The following MERTK variants were observed in gnomAD, a reference collection of about 807,000 sequenced individuals.
MERTK encodes tyrosine-protein kinase Mer.
Under a neutral mutation model 99.3 loss-of-function variants are expected in MERTK, and 69 were observed. That is an observed-to-expected ratio of 0.70 (90% CI 0.57 to 0.85). MERTK has a LOEUF of 0.85. Among genes scored for constraint, MERTK ranks in the 40% least tolerant of loss-of-function variants. MERTK has a pLI of 0.00. For synonymous variants in MERTK, 426 were observed against 467.6 expected (o/e 0.91, Z 1.15); for missense variants, 1,125 against 1,249.4 (o/e 0.90, Z 1.50).
At chr2:111,978,847 A>G (rs1676310215) in intron 7 of MERTK, among the ~76,000 whole-genome samples, 1 of 152,328 alleles carries the variant, frequency 6.6e-6, no homozygotes, top group African/African-American at 2.4e-5. Flanking sequence ...CAGTTAAGCT[A>G]GTGGGAAACC....
chr2:111,967,530 C>G (rs1175274590), intron 5 of MERTK, among the ~76,000 whole-genome samples: 1 of 152,102 alleles, frequency 6.6e-6, no homozygotes, highest in Admixed American at 6.5e-5. Context: ...CCCACCCATT[C>G]GAGGACACAC....
intron 6 of MERTK, 109 bp downstream of exon 6, chr2:111,968,361 C>A: frequency 1.2e-6 from 1 of 853,446 alleles, no homozygotes; most frequent in Non-Finnish European, 2.0e-6. Flanking sequence ...CATCTCTGTA[C>A]AGAGTCCCCT....
chr2:111,957,335 AAAGG>A lies in MERTK; in HGVS notation c.758-7855_758-7852del, dbSNP rs529074770. ...TGGGTTTTCTACCCAACTCAGAGAA[AAAGG>A]CAAAAGGCCTCTCCCACATGTTGCC... On this transcript the variant is annotated intron_variant, in intron 4 of 18. Transcript: ENST00000295408. 7.5e-3 allele frequency among the ~76,000 whole-genome samples: 1,139 copies of A among 152,184 alleles called. 19 individuals are homozygous for A. The highest frequency in any genetic ancestry group is 0.027 in the Middle Eastern group (8 of 294).
chr2:111,982,881 A>G lies in MERTK; in HGVS notation c.1184A>G (p.Asn395Ser), dbSNP rs757978161. 1.9e-6 allele frequency: 3 copies of G among 1,614,116 alleles called. No individual in the cohort carries two copies. Among genetic ancestry groups the G allele is most frequent in the Non-Finnish European group, 2.5e-6 (3 of 1,180,012 alleles). Residue 395 changes from asparagine (N) to serine (S), a missense_variant, in exon 8 of 19, where the codon AAT becomes AGT. By Grantham distance (46) the Asn-to-Ser change is conservative (BLOSUM62 1). Coordinates refer to ENST00000295408, the MANE Select transcript of MERTK (RefSeq NM_006343.3). ...VAPLNVTVFL[N>S]ESSDNVDIRW... ...CCTTTAAATGTCACTGTGTTTCTGA[A>G]TGAATCTAGTGATAATGTGGACATC...
At chr2:112,007,723 G>A (rs1224762813) in intron 13 of MERTK, among the ~76,000 whole-genome samples, 2 of 152,148 alleles carry the variant, frequency 1.3e-5, no homozygotes, top group East Asian at 1.9e-4. Flanking sequence ...CTCACAAGGC[G>A]TGGTTGAGCA....
chr2:111,946,250 A>G (rs1684959718), intron 3 of MERTK, among the ~76,000 whole-genome samples: 1 of 152,198 alleles, frequency 6.6e-6, no homozygotes, highest in Admixed American at 6.5e-5. Context: ...TAATTTGGGA[A>G]AAAAATATTT....
intron 9 of MERTK, chr2:111,994,676 G>A (rs1410648435): frequency 6.7e-6 from 3 of 445,746 alleles, no homozygotes; most frequent in Non-Finnish European, 1.3e-5. Context: ...CTACTTGGGA[G>A]GCTGAGGTGG....
rs571787765 is a variant in MERTK, at chr2:111,935,183, A to G, written c.482+5643A>G. Among the ~76,000 whole-genome samples the G allele has an allele frequency of 3.9e-5, 6 of 152,350 alleles. No individual in the cohort carries two copies. The South Asian group carries it at 1.0e-3, about 26-fold the overall frequency. On this transcript the variant is annotated intron_variant, in intron 2 of 18. Transcript: ENST00000295408. ...GTACACACTAGTTATCAAAATGGCC[A>G]TCCTTGCACATGAAGGTGTTTTCCG...
intron 14 of MERTK, among the ~76,000 whole-genome samples, chr2:112,009,391 T>C (rs1331663588): frequency 6.6e-6 from 1 of 152,234 alleles, no homozygotes; most frequent in Non-Finnish European, 1.5e-5. Context: ...AATGATATTA[T>C]AGCTTCTCTT....
At chr2:111,986,892 C>A (rs983132544) in intron 8 of MERTK, among the ~76,000 whole-genome samples, 2 of 152,170 alleles carry the variant, frequency 1.3e-5, no homozygotes, top group Non-Finnish European at 2.9e-5. Flanking sequence ...AAGTTTCAAG[C>A]TTATGATCCA....
At chr2:111,968,398 G>A in intron 6 of MERTK, 146 bp downstream of exon 6, 1 of 711,490 alleles carries the variant, frequency 1.4e-6, no homozygotes, top group East Asian at 2.7e-5. Flanking sequence ...TGTCCAGCAT[G>A]CATGCACTAT....
At chr2:111,987,548 T>C (rs1676508137) in intron 8 of MERTK, among the ~76,000 whole-genome samples, 1 of 152,172 alleles carries the variant, frequency 6.6e-6, no homozygotes, top group Non-Finnish European at 1.5e-5. Flanking sequence ...GGATTTGATG[T>C]GTGGGCCCAG....
intron 7 of MERTK, among the ~76,000 whole-genome samples, chr2:111,980,349 T>C (rs1397578861): frequency 2.0e-5 from 3 of 152,132 alleles, no homozygotes; most frequent in African/African-American, 4.8e-5. Flanking sequence ...CCTATGGATA[T>C]TTGAGGGCAT....
In MERTK at chr2:112,010,724, C is replaced by T. The variant is rs1677082321; in HGVS notation, c.2079+658C>T. Among the ~76,000 whole-genome samples, 5 of 152,180 alleles carry T rather than the reference C, an allele frequency of 3.3e-5. No homozygotes were observed. The South Asian group carries it at 1.0e-3, about 32-fold the overall frequency. ...TAGCCACTGGGGACATTGTATCTTT[C>T]ATTTCCTAGGCCTCCTTATCTGAAA... On this transcript the variant is annotated intron_variant, in intron 15 of 18. Coordinates refer to ENST00000295408, the MANE Select transcript of MERTK (RefSeq NM_006343.3).
chr2:111,995,959 A>T lies in MERTK; in HGVS notation c.1451-1364A>T, dbSNP rs531184838. Among the ~76,000 whole-genome samples the T allele has an allele frequency of 9.9e-5, 15 of 152,252 alleles. No homozygotes were observed. The East Asian group carries it at 2.7e-3, about 27-fold the overall frequency. ...GAGACCCCCATCTCCAAAACAAAAC[A>T]AAACAAAACAAGAACAAAGACAATG... is the stretch of plus-strand genomic sequence containing the variant. On this transcript the variant is annotated intron_variant, in intron 9 of 18. Transcript: ENST00000295408.
rs567277482 is a variant in MERTK, at chr2:111,970,333, A to G, written c.960+2081A>G. Among the ~76,000 whole-genome samples, 57 of 150,160 alleles carry G rather than the reference A, an allele frequency of 3.8e-4. 1 individual carries two copies. The highest frequency in any genetic ancestry group is 1.3e-3 in the African/African-American group (53 of 40,830). On this transcript the variant is annotated intron_variant, in intron 6 of 18. Transcript: ENST00000295408. ...CACCACGCCCACCTAATTTTTGTAT[A>G]TTTACTAGACATGGGGTTTCACCAT...
chr2:111,971,941 G>T (rs371627458), intron 6 of MERTK, among the ~76,000 whole-genome samples: 1 of 152,142 alleles, frequency 6.6e-6, no homozygotes, highest in African/African-American at 2.4e-5. Flanking sequence ...TCTCCCTTCC[G>T]TTCTATCAGT....
intron 2 of MERTK, among the ~76,000 whole-genome samples, chr2:111,931,510 AC>A (rs1684670333): frequency 6.6e-6 from 1 of 152,096 alleles, no homozygotes; most frequent in Non-Finnish European, 1.5e-5. Context: ...ACGTAGTGAA[AC>A]CCCATCTCTA....
At chr2:112,012,859 A>C (rs984337697) in intron 15 of MERTK, among the ~76,000 whole-genome samples, 1 of 152,202 alleles carries the variant, frequency 6.6e-6, no homozygotes, top group Non-Finnish European at 1.5e-5. Context: ...AGACAGGTCC[A>C]TCTGTAGAAA....
Sources: gnomAD v4.1 joint callset for allele counts (sites outside exome capture counted in the v4.1 genomes callset) on GRCh38, gnomAD v4.1.1 for gene constraint, MANE v1.5 for transcripts, NCBI Gene and HGNC (gene_info 2026-07-23, HGNC 2026-07-21) for gene names.